ARHGAP29: variants seen among roughly 807,000 people sequenced by gnomAD.
The protein encoded by ARHGAP29 is rho GTPase-activating protein 29.
In ARHGAP29, 43 loss-of-function variants were observed where a neutral mutation model predicts 122.6. The observed-to-expected ratio is 0.35, with a 90% CI of 0.27 to 0.45. The LOEUF (loss-of-function observed/expected upper bound fraction) is 0.45. Among genes scored for constraint, ARHGAP29 ranks in the 20% least tolerant of loss-of-function variants. The probability of loss-of-function intolerance (pLI) is 1.00; values close to 1 mark genes in which losing one functional copy is unlikely to be tolerated. For synonymous variants in ARHGAP29, 506 were observed against 497.1 expected (o/e 1.02, Z -0.24); for missense variants, 1,303 against 1,477.2 (o/e 0.88, Z 1.93).
chr1:94,296,407 A>T, the ARHGAP29 span, among the ~76,000 whole-genome samples: 1 of 152,208 alleles, frequency 6.6e-6, no homozygotes, highest in East Asian at 1.9e-4. Context: ...GTTCTATTTT[A>T]TTATTAGTTA....
chr1:94,226,640 T>C (rs1228802224), intron 2 of ARHGAP29, among the ~76,000 whole-genome samples: 1 of 151,952 alleles, frequency 6.6e-6, no homozygotes, highest in East Asian at 1.9e-4. Flanking sequence ...CTATAAACAT[T>C]GTTAAATGAT....
At chr1:94,262,436 C>G (rs1654596747) in intron 1 of ARHGAP29, among the ~76,000 whole-genome samples, 1 of 151,930 alleles carries the variant, frequency 6.6e-6, no homozygotes, top group African/African-American at 2.4e-5. Context: ...TTCTATACAG[C>G]AAAATAAACT....
chr1:94,188,630 C>T (rs1321594899), intron 15 of ARHGAP29, among the ~76,000 whole-genome samples: 1 of 152,114 alleles, frequency 6.6e-6, no homozygotes, highest in Non-Finnish European at 1.5e-5. Context: ...GAGGTGTACA[C>T]AGGGCGCTTC....
At chr1:94,272,378 G>A (rs566712511) in intron 1 of ARHGAP29, among the ~76,000 whole-genome samples, 1 of 152,318 alleles carries the variant, frequency 6.6e-6, no homozygotes, top group African/African-American at 2.4e-5. Flanking sequence ...AACTTGTGTG[G>A]AGAAGGGGAT....
chr1:94,200,022 CT>C (rs1288326569), intron 12 of ARHGAP29, among the ~76,000 whole-genome samples: 3 of 152,062 alleles, frequency 2.0e-5, no homozygotes, highest in African/African-American at 7.2e-5. Context: ...ATATGTAAAA[CT>C]ATTGAAATTT....
At chr1:94,309,950 T>C in the ARHGAP29 span, among the ~76,000 whole-genome samples, 3 of 152,314 alleles carry the variant, frequency 2.0e-5, no homozygotes, top group East Asian at 5.8e-4. Context: ...AGGCTCTCAG[T>C]AAACATTTGT....
At chr1:94,182,244 G>A (rs765643012) in intron 19 of ARHGAP29, among the ~76,000 whole-genome samples, 5 of 151,972 alleles carry the variant, frequency 3.3e-5, no homozygotes, top group Non-Finnish European at 7.4e-5. Context: ...AGATAGAGCT[G>A]AGGAAATCTC....
At chr1:94,193,221 C>T (rs1052831176) in intron 12 of ARHGAP29, 9 of 151,936 alleles carry the variant, frequency 5.9e-5, no homozygotes. Context: ...AGACTGTGAA[C>T]TTGAAGACAG....
At chr1:94,282,473 A>G in the ARHGAP29 span, among the ~76,000 whole-genome samples, 4 of 151,506 alleles carry the variant, frequency 2.6e-5, no homozygotes, top group African/African-American at 9.7e-5. Flanking sequence ...TTTTGTAGAG[A>G]GAAGGTTTTG....
At chr1:94,278,409 T>G (rs1411807209), upstream of ARHGAP29, among the ~76,000 whole-genome samples, 1 of 152,254 alleles carries the variant, frequency 6.6e-6, no homozygotes, top group Non-Finnish European at 1.5e-5. Flanking sequence ...TACCCAATTC[T>G]AATTCTACTA....
chr1:94,295,129 G>A, the ARHGAP29 span, among the ~76,000 whole-genome samples: 2 of 152,332 alleles, frequency 1.3e-5, no homozygotes, highest in South Asian at 4.1e-4. Context: ...GGGCCAACTA[G>A]AAGGATTGGA....
At chr1:94,200,357 C>T (rs1371868575) in intron 12 of ARHGAP29, among the ~76,000 whole-genome samples, 1 of 152,180 alleles carries the variant, frequency 6.6e-6, no homozygotes, top group African/African-American at 2.4e-5. Flanking sequence ...AATTAGATAA[C>T]ACACCTATTG....
At position 94,173,727 on chromosome 1, in the gene ARHGAP29, G is replaced by T; in HGVS notation, c.*142C>A. The T allele has an allele frequency of 1.0e-6, 1 of 980,882 alleles. No individual in the cohort carries two copies. 60.8% of individuals were successfully genotyped at this position (980,882 alleles called of 1,614,324 possible). A position where few individuals can be genotyped will look rare whatever the true frequency, so the allele number is the denominator to read the frequency against. ...CTACCATTCAGTATTACCAACAGAG[G>T]ATAAATACAACAACAAAAGGCAAAA... On this transcript the variant is annotated 3_prime_UTR_variant, in exon 23 of 23. Transcript: ENST00000260526.
chr1:94,179,374 T>A (rs183770917), intron 20 of ARHGAP29, among the ~76,000 whole-genome samples: 2 of 151,966 alleles, frequency 1.3e-5, no homozygotes, highest in African/African-American at 4.8e-5. Context: ...GGTGGGCGGA[T>A]CATGAGGTCA....
chr1:94,296,280 CAGTT>C, the ARHGAP29 span, among the ~76,000 whole-genome samples: 2 of 152,182 alleles, frequency 1.3e-5, no homozygotes, highest in African/African-American at 2.4e-5. Flanking sequence ...GTAGCTCTCT[CAGTT>C]AGCAGATCGA....
chr1:94,208,060 ACTC>A (rs749191118), intron 5 of ARHGAP29, among the ~76,000 whole-genome samples: 56 of 151,726 alleles, frequency 3.7e-4, no homozygotes, highest in Middle Eastern at 3.4e-3. Flanking sequence ...CTGGTCCTGA[ACTC>A]CTGTCCTCAA....
At chr1:94,229,937 ATAAC>A (rs918565423) in intron 2 of ARHGAP29, among the ~76,000 whole-genome samples, 22 of 151,792 alleles carry the variant, frequency 1.4e-4, no homozygotes, top group East Asian at 3.9e-4. Flanking sequence ...TTTAAGGAAA[ATAAC>A]TAAAAACAAA....
chr1:94,221,257 C>A (rs1287988478), intron 2 of ARHGAP29, among the ~76,000 whole-genome samples: 1 of 152,124 alleles, frequency 6.6e-6, no homozygotes, highest in Non-Finnish European at 1.5e-5. Flanking sequence ...AATCACCCTA[C>A]CTTTAAAACC....
chr1:94,224,471 T>C (rs898930885), intron 2 of ARHGAP29, among the ~76,000 whole-genome samples: 6 of 152,178 alleles, frequency 3.9e-5, no homozygotes, highest in Non-Finnish European at 7.4e-5. Context: ...AAAATACTAA[T>C]GGCCTAAATG....
Sources: allele counts gnomAD v4.1 joint callset (sites outside exome capture counted in the v4.1 genomes callset), GRCh38; gene constraint gnomAD v4.1.1; transcripts MANE v1.5; gene names NCBI Gene and HGNC (gene_info 2026-07-23, HGNC 2026-07-21).